The following TMEM132C variants were observed in gnomAD, a reference collection of about 807,000 sequenced individuals.
TMEM132C encodes transmembrane protein 132C.
A neutral mutation model predicts 61.4 loss-of-function variants in TMEM132C; 29 were observed. The observed-to-expected ratio is 0.47, with a 90% CI of 0.35 to 0.64. The LOEUF (loss-of-function observed/expected upper bound fraction) is 0.64, where lower values mean the gene tolerates loss of function less well. Among genes scored for constraint, TMEM132C ranks in the 30% least tolerant of loss-of-function variants. The pLI is 0.00. For missense variants in TMEM132C, 1,408 were observed against 1,476.9 expected (o/e 0.95, Z 0.76); for synonymous variants, 656 against 633.1 (o/e 1.04, Z -0.54).
chr12:128,543,935 TC>T, intron 2 of TMEM132C, 21 bp from the exon 3 acceptor site: 1 of 1,541,210 alleles, frequency 6.5e-7, no homozygotes, highest in East Asian at 2.5e-5. Context: ...TCTCTCTCTC[TC>T]TCCCATCTTC....
chr12:128,425,112 A>G (rs1366091258), intron 2 of TMEM132C, among the ~76,000 whole-genome samples: 1 of 152,182 alleles, frequency 6.6e-6, no homozygotes, highest in Non-Finnish European at 1.5e-5. Context: ...GTAAGAGGAT[A>G]CTTGAAAGGG....
intron 4 of TMEM132C, among the ~76,000 whole-genome samples, chr12:128,638,881 A>ATGATGG (rs147521369): frequency 0.097 from 11,385 of 117,694 alleles, 947 homozygotes; most frequent in African/African-American, 0.18. Flanking sequence ...GAGAATGGTG[A>ATGATGG]TGATGGTGGT....
At chr12:128,445,037 A>G (rs540273536) in intron 2 of TMEM132C, among the ~76,000 whole-genome samples, 2 of 152,324 alleles carry the variant, frequency 1.3e-5, no homozygotes, top group African/African-American at 4.8e-5. Flanking sequence ...ATTACTCAAA[A>G]AAATAAAAAA....
At chr12:128,684,545 C>T (rs562680440) in intron 5 of TMEM132C, among the ~76,000 whole-genome samples, 57 of 152,236 alleles carry the variant, frequency 3.7e-4, no homozygotes, top group Non-Finnish European at 6.8e-4. Flanking sequence ...AGCTCATTAG[C>T]GCTGCCAACC....
At chr12:128,360,693 T>C (rs1873678152) in intron 1 of TMEM132C, among the ~76,000 whole-genome samples, 1 of 152,100 alleles carries the variant, frequency 6.6e-6, no homozygotes, top group African/African-American at 2.4e-5. Flanking sequence ...CATCAGACAC[T>C]CTCTTCCTGG....
In TMEM132C at chr12:128,415,370, G is replaced by C. The variant is rs776599843; in HGVS notation, c.724G>C (p.Ala242Pro). The C allele has an allele frequency of 1.3e-6, 2 of 1,557,552 alleles. No homozygotes were observed. The highest frequency in any genetic ancestry group is 1.7e-6 in the Non-Finnish European group (2 of 1,149,612). ...VHPGNERGDC[A>P]GGDFRKGNAI... ...CCCAGGAAACGAGCGAGGGGACTGT[G>C]CCGGGGGTGACTTCAGGAAGGGCAA... Residue 242 changes from alanine to proline, a missense_variant, in exon 2 of 9, where the codon GCC (alanine) becomes CCC (proline). Physicochemically the swap from Ala to Pro is conservative, Grantham distance 27 (BLOSUM62 -1). Transcript: ENST00000435159. The surrounding 1 kb of genome is among the most constrained non-coding windows in gnomAD (Gnocchi z 5.8).
At chr12:128,693,752 A>T (rs1954736403) in intron 5 of TMEM132C, 77 bp from the exon 6 acceptor site, 1 of 1,478,816 alleles carries the variant, frequency 6.8e-7, no homozygotes, top group African/African-American at 1.4e-5. Context: ...TTGCAAGATA[A>T]TAGGAAAAAC....
chr12:128,512,234 C>G (rs1001740597), intron 2 of TMEM132C, among the ~76,000 whole-genome samples: 1 of 152,152 alleles, frequency 6.6e-6, no homozygotes, highest in East Asian at 1.9e-4. Flanking sequence ...CCCACATCCC[C>G]GTGCACCTGC....
intron 2 of TMEM132C, among the ~76,000 whole-genome samples, chr12:128,497,181 G>C (rs1174844238): frequency 6.6e-6 from 1 of 152,192 alleles, no homozygotes; most frequent in Non-Finnish European, 1.5e-5. Flanking sequence ...CTGCCTGATC[G>C]TTCCTCTGGA....
chr12:128,519,865 G>A (rs890959398), intron 2 of TMEM132C, among the ~76,000 whole-genome samples: 1 of 152,198 alleles, frequency 6.6e-6, no homozygotes, highest in Non-Finnish European at 1.5e-5. Context: ...CTCCGATGTT[G>A]CCTGTGCGGC....
At chr12:128,449,225 C>T (rs10773545) in intron 2 of TMEM132C, among the ~76,000 whole-genome samples, 19,502 of 151,502 alleles carry the variant, frequency 0.13, 1,782 homozygotes, top group African/African-American at 0.25. Flanking sequence ...AAAACTGAGC[C>T]CATTTTTCTG....
intron 1 of TMEM132C, among the ~76,000 whole-genome samples, chr12:128,269,543 C>T (rs1014201348): frequency 6.6e-6 from 1 of 152,120 alleles, no homozygotes; most frequent in African/African-American, 2.4e-5. Flanking sequence ...CGAAGCCCCA[C>T]CCCTATCCCA....
In TMEM132C at chr12:128,684,629, C is replaced by A. The variant is rs974957820; in HGVS notation, c.1450-9200C>A. Among the ~76,000 whole-genome samples the A allele has an allele frequency of 4.6e-5, 7 of 152,232 alleles. No individual in the cohort carries two copies. The East Asian group carries it at 1.3e-3, about 29-fold the overall frequency. ...AAGTCTTGGCAGCATTGTGCATTGTCAGCTGGATAAAGTGTGATTTATCAC... is the reference window on the plus strand; with the variant it reads ...AAGTCTTGGCAGCATTGTGCATTGTAAGCTGGATAAAGTGTGATTTATCAC... On this transcript the variant is annotated intron_variant, in intron 5 of 8. Transcript: ENST00000435159.
intron 1 of TMEM132C, among the ~76,000 whole-genome samples, chr12:128,277,592 C>G (rs1046760144): frequency 6.6e-6 from 1 of 152,152 alleles, no homozygotes; most frequent in Admixed American, 6.5e-5. Context: ...TCACTTCCAC[C>G]CACACCACTA....
intron 2 of TMEM132C, among the ~76,000 whole-genome samples, chr12:128,444,629 C>T (rs937865761): frequency 3.3e-5 from 5 of 152,332 alleles, no homozygotes; most frequent in African/African-American, 1.2e-4. Context: ...GTTTTCAAGT[C>T]GGGCCACATT....
chr12:128,597,492 GGAAA>G (rs1352152983), intron 3 of TMEM132C, among the ~76,000 whole-genome samples: 28 of 68,564 alleles, frequency 4.1e-4, no homozygotes, highest in East Asian at 2.3e-3. Flanking sequence ...AAGGAAGGAA[GGAAA>G]GAAGGAAGGA....
intron 1 of TMEM132C, 103 bp downstream of exon 1, chr12:128,267,590 TCGG>T: frequency 1.1e-6 from 1 of 929,132 alleles, no homozygotes; most frequent in Non-Finnish European, 1.4e-6. Context: ...GGCGGGGGCC[TCGG>T]CGGGGGCTCG....
chr12:128,522,900 T>C (rs1872955359), intron 2 of TMEM132C, among the ~76,000 whole-genome samples: 1 of 152,212 alleles, frequency 6.6e-6, no homozygotes, highest in Non-Finnish European at 1.5e-5. Flanking sequence ...TCAGTTTCAC[T>C]TCTGGGTATA....
intron 2 of TMEM132C, among the ~76,000 whole-genome samples, chr12:128,470,563 T>C (rs1870915600): frequency 6.6e-6 from 1 of 152,134 alleles, no homozygotes. Context: ...AATAATCCAG[T>C]TCATAAAACC....
Sources: allele counts gnomAD v4.1 joint callset (sites outside exome capture counted in the v4.1 genomes callset), GRCh38; gene constraint gnomAD v4.1.1; non-coding constraint Gnocchi (gnomAD v3.1); transcripts MANE v1.5; gene names NCBI Gene and HGNC (gene_info 2026-07-23, HGNC 2026-07-21).